Variants in SMTN observed in about 807,000 individuals in gnomAD.
SMTN encodes the protein smoothelin.
Under a neutral mutation model 102.0 loss-of-function variants are expected in SMTN, and 58 were observed. That is an observed-to-expected ratio of 0.57 (90% CI 0.46 to 0.71). The LOEUF (loss-of-function observed/expected upper bound fraction) is 0.71. SMTN is among the 30% of genes least tolerant of loss of function. The pLI is 0.00. For synonymous variants in SMTN, 478 were observed against 497.9 expected (o/e 0.96, Z 0.53); for missense variants, 1,185 against 1,241.7 (o/e 0.95, Z 0.69).
intron 1 of SMTN, among the ~76,000 whole-genome samples, chr22:31,074,374 TTAAAAAA>T (rs1386586380): frequency 3.3e-5 from 5 of 151,600 alleles, no homozygotes; most frequent in Admixed American, 2.0e-4. Flanking sequence ...AGATCCTGTC[TTAAAAAA>T]TAAAAAAGAG....
At chr22:31,099,944 G>T (rs2043936994) in intron 19 of SMTN, 48 bp downstream of exon 19, 1 of 1,591,968 alleles carries the variant, frequency 6.3e-7, no homozygotes, top group East Asian at 2.2e-5. Context: ...ATCTGGGGCT[G>T]GACATCGGGA....
rs1488401528 is a variant in SMTN at position 31,091,962 on chromosome 22, C to T, written c.1632+115C>T. 9 of 1,065,120 alleles carry T rather than the reference C, an allele frequency of 8.4e-6. No homozygotes were observed. The Admixed American group carries it at 2.6e-4, about 31-fold the overall frequency. The allele number at this position is 1,065,120 out of a possible 1,614,324, so 66.0% of individuals were successfully genotyped here. On this transcript the variant is annotated intron_variant, in intron 11 of 20. Coordinates refer to ENST00000333137, the MANE Select transcript of SMTN (RefSeq NM_134269.3). ...CTCCCCTACTGCACACACAGAGAAA[C>T]CGAGGCCCAGAGAGGGAAGGTGGCT...
chr22:31,098,961 G>A, intron 17 of SMTN, 101 bp from the exon 18 acceptor site: 1 of 1,539,072 alleles, frequency 6.5e-7, no homozygotes, highest in South Asian at 1.1e-5. Context: ...TGGTGCAAAG[G>A]CCCGAAGGTC....
rs1293275997 is a variant in SMTN at position 31,090,004 on chromosome 22, C to T, written c.777C>T (p.Gly259=). ...CTCCAACGCTCCCCAGCACTGAGGG[C>T]CAGGTGGTCAACAAGGTGAGTCTGG... ...QESPTLPSTE[G]QVVNKLLSGP... Residue 259 remains glycine, a synonymous_variant, in exon 7 of 21, where the codon GGC becomes GGT. Coordinates refer to ENST00000333137, the MANE Select transcript of SMTN (RefSeq NM_134269.3). 6 of 1,606,102 alleles carry T rather than the reference C, an allele frequency of 3.7e-6. No homozygotes were observed. The Admixed American group carries it at 1.0e-4, about 27-fold the overall frequency.
chr22:31,086,235 C>T (rs1327285348), intron 2 of SMTN, among the ~76,000 whole-genome samples: 1 of 152,224 alleles, frequency 6.6e-6, no homozygotes, highest in Non-Finnish European at 1.5e-5. Context: ...GAGGTCCCCA[C>T]CATGACACAC....
At chr22:31,089,092 CTATT>C (rs1427688008) in intron 6 of SMTN, 123 bp downstream of exon 6, 2 of 772,542 alleles carry the variant, frequency 2.6e-6, no homozygotes, top group East Asian at 2.7e-5. Context: ...CATCCAGCCT[CTATT>C]TAGCAGTCAG....
rs2043149217 is a variant in SMTN at position 31,091,729 on chromosome 22, G to A, written c.1514G>A (p.Gly505Asp). The A allele has an allele frequency of 1.9e-6, 3 of 1,612,626 alleles. No homozygotes were observed. The highest frequency in any genetic ancestry group is 2.5e-6 in the Non-Finnish European group (3 of 1,179,102). ...ACCCTACTCAGCACCAGTAGTGGGG[G>A]CAAGAGCACCATCACCCGTGTCAAC... ...PPTLLSTSSG[G>D]KSTITRVNSP... Residue 505 changes from glycine (G) to aspartate (D), a missense_variant, in exon 11 of 21, where the codon GGC becomes GAC. Around this residue, in one of 2 missense-constraint regions of SMTN, gnomAD observed 1,096 missense variants for 1,112.7 expected, o/e 0.98. Coordinates refer to ENST00000333137, the MANE Select transcript of SMTN (RefSeq NM_134269.3).
chr22:31,069,698 C>T (rs2041952095), intron 1 of SMTN, among the ~76,000 whole-genome samples: 1 of 152,176 alleles, frequency 6.6e-6, no homozygotes, highest in African/African-American at 2.4e-5. Context: ...CGGCCACAGG[C>T]ACAGATTGAG....
chr22:31,079,460 A>G (rs560479132), upstream of SMTN, among the ~76,000 whole-genome samples: 62 of 152,306 alleles, frequency 4.1e-4, no homozygotes, highest in African/African-American at 1.3e-3. Flanking sequence ...TAGGGCAGGG[A>G]GAAAGGAGGG....
At chr22:31,072,628 A>AT (rs2042030827) in intron 1 of SMTN, among the ~76,000 whole-genome samples, 1 of 151,862 alleles carries the variant, frequency 6.6e-6, no homozygotes, top group African/African-American at 2.4e-5. Context: ...CGCCTGGCTA[A>AT]TTTTTGTATT....
intron 2 of SMTN, among the ~76,000 whole-genome samples, chr22:31,083,722 G>A (rs1023972897): frequency 2.6e-5 from 4 of 152,224 alleles, no homozygotes; most frequent in African/African-American, 7.2e-5. Flanking sequence ...GCTGGGTACT[G>A]GGTATACCAT....
chr22:31,075,239 A>C (rs2042100391), intron 1 of SMTN, among the ~76,000 whole-genome samples: 1 of 152,162 alleles, frequency 6.6e-6, no homozygotes, highest in African/African-American at 2.4e-5. Context: ...TAAAGAAATT[A>C]GCATCTGTCT....
chr22:31,100,990 T>C lies in SMTN; in HGVS notation c.2709T>C (p.Cys903=). ...CGTACATCCAGGAATTCTACCGCTGTCTGGTCCAGAAGGGGCTGGTAAAAA... is the reference window on the plus strand; with the variant it reads ...CGTACATCCAGGAATTCTACCGCTGCCTGGTCCAGAAGGGGCTGGTAAAAA... ...VYTYIQEFYR[C]LVQKGLVKTK... Residue 903 remains cysteine, a synonymous_variant, in exon 20 of 21, where the codon TGT becomes TGC. Coordinates refer to ENST00000333137, the MANE Select transcript of SMTN (RefSeq NM_134269.3). 6.2e-7 allele frequency: 1 copy of C among 1,613,548 alleles called. No individual in the cohort carries two copies. The highest frequency in any genetic ancestry group is 8.5e-7 in the Non-Finnish European group (1 of 1,179,888).
Position 31,084,710 on chromosome 22 carries a change from G to A in SMTN, c.51+1401G>A, listed in dbSNP as rs543082856. 2.6e-5 allele frequency among the ~76,000 whole-genome samples: 4 copies of A among 152,360 alleles called. No homozygotes were observed. In the South Asian group the frequency reaches 8.3e-4, roughly 32 times the overall value. ...ACCTCCCTCTCTTAAGCGAGGCTCG[G>A]GCGGCGCTGGAAAAGAGTTTTGGAG... On this transcript the variant is annotated intron_variant, in intron 2 of 20. Transcript: ENST00000333137.
At chr22:31,070,476 GT>G (rs2041969701) in intron 1 of SMTN, among the ~76,000 whole-genome samples, 1 of 151,826 alleles carries the variant, frequency 6.6e-6, no homozygotes, top group Admixed American at 6.6e-5. Context: ...TGCGTAGTCT[GT>G]TCCCCTTGCC....
intron 1 of SMTN, among the ~76,000 whole-genome samples, chr22:31,071,484 T>C (rs1259547163): frequency 6.6e-6 from 1 of 151,250 alleles, no homozygotes; most frequent in African/African-American, 2.4e-5. Context: ...ATAAAATACA[T>C]AAAATTAGTT....
rs1313364147 is a variant in SMTN at position 31,091,479 on chromosome 22, G to A, written c.1456G>A (p.Ala486Thr). Residue 486 changes from alanine (A) to threonine (T), a missense_variant, in exon 10 of 21, where the codon GCA (alanine) becomes ACA (threonine). Coordinates refer to ENST00000333137, the MANE Select transcript of SMTN (RefSeq NM_134269.3). ...RVLLPTGNQR[A>T]ELTLGLRAPP... is the part of the protein sequence containing the mutation. ...GCTGCTGCCCACAGGCAACCAGAGGGCAGGTAGGCGCCCCCCACTGCCTCC... is the reference window on the plus strand; with the variant it reads ...GCTGCTGCCCACAGGCAACCAGAGGACAGGTAGGCGCCCCCCACTGCCTCC... The A allele has an allele frequency of 1.8e-5, 27 of 1,518,244 alleles. No individual in the cohort carries two copies. The highest frequency in any genetic ancestry group is 2.3e-5 in the Non-Finnish European group (26 of 1,136,756). The allele number at this position is 1,518,244 out of a possible 1,614,324, so 94.0% of individuals were successfully genotyped here.
At chr22:31,096,957 C>T (rs753599715) in intron 14 of SMTN, 41 bp from the exon 15 acceptor site, 2 of 1,613,542 alleles carry the variant, frequency 1.2e-6, no homozygotes, top group East Asian at 4.5e-5. Flanking sequence ...TCCCCCAGCC[C>T]CCTGTGCCTT....
In SMTN at chr22:31,099,107, C is replaced by T; in HGVS notation, c.2379C>T (p.Phe793=). 3 of 1,613,258 alleles carry T rather than the reference C, an allele frequency of 1.9e-6. No homozygotes were observed. The highest frequency in any genetic ancestry group is 1.1e-5 in the South Asian group (1 of 91,086). ...CAGCCGTGCAGCGATCCACCAGCTT[C>T]GGGGTCCCCAACGCCAACAGCATCA... ...PRAAVQRSTS[F]GVPNANSIKQ... Residue 793 remains phenylalanine, a synonymous_variant, in exon 18 of 21, where the codon TTC becomes TTT. Coordinates refer to ENST00000333137, the MANE Select transcript of SMTN (RefSeq NM_134269.3).
Sources: allele counts gnomAD v4.1 joint callset (sites outside exome capture counted in the v4.1 genomes callset), GRCh38; gene constraint gnomAD v4.1.1; regional missense constraint gnomAD v4.1.1; transcripts MANE v1.5; gene names NCBI Gene and HGNC (gene_info 2026-07-23, HGNC 2026-07-21).